Variants in FSIP1 observed in about 807,000 individuals in gnomAD.
FSIP1 encodes the protein fibrous sheath interacting protein 1, also known as fibrous sheath-interacting protein 1.
FSIP1 carries 65 observed loss-of-function variants against 60.9 expected under a neutral mutation model. The ratio of observed to expected loss-of-function variants is 1.07; its 90% CI spans 0.87 to 1.31. FSIP1 has a LOEUF of 1.31. Among genes scored for constraint, FSIP1 ranks in the 40% most tolerant of loss-of-function variants. FSIP1 has a pLI of 0.00. For synonymous variants in FSIP1, 209 were observed against 221.2 expected (o/e 0.94, Z 0.49); for missense variants, 675 against 665.5 (o/e 1.01, Z -0.16).
intron 10 of FSIP1, among the ~76,000 whole-genome samples, chr15:39,682,347 T>A (rs981398824): frequency 1.3e-5 from 2 of 152,100 alleles, no homozygotes; most frequent in African/African-American, 4.8e-5. Flanking sequence ...ACCTACATAT[T>A]TTACTTTGGA....
chr15:39,598,795 G>A (rs1180830555), downstream of FSIP1: 1 of 151,712 alleles, frequency 6.6e-6, no homozygotes, highest in Non-Finnish European at 1.5e-5. Flanking sequence ...TTATAAGAAT[G>A]TACATACAAT....
At chr15:39,706,963 A>G (rs1047097642) in intron 10 of FSIP1, among the ~76,000 whole-genome samples, 4 of 152,210 alleles carry the variant, frequency 2.6e-5, no homozygotes, top group Non-Finnish European at 5.9e-5. Context: ...TGTGTACAGT[A>G]AGTTATGAAA....
intron 10 of FSIP1, among the ~76,000 whole-genome samples, chr15:39,690,096 G>C (rs1447827801): frequency 6.6e-6 from 1 of 152,172 alleles, no homozygotes; most frequent in Non-Finnish European, 1.5e-5. Context: ...AAGATTCAGT[G>C]GCATAAAGAA....
intron 5 of FSIP1, among the ~76,000 whole-genome samples, chr15:39,748,743 A>G (rs889596467): frequency 1.9e-4 from 29 of 152,192 alleles, no homozygotes; most frequent in Admixed American, 6.5e-4. Context: ...GTAGCCTGAC[A>G]TTATGCTTCA....
chr15:39,722,945 A>C (rs1234045922), intron 9 of FSIP1, among the ~76,000 whole-genome samples: 1 of 151,978 alleles, frequency 6.6e-6, no homozygotes, highest in African/African-American at 2.4e-5. Flanking sequence ...GAAAAAAAAA[A>C]AAGCTTTCTA....
In FSIP1 at chr15:39,618,219, T is replaced by G. The variant is rs933155835; in HGVS notation, c.1215A>C (p.Glu405Asp). The change falls in exon 11 of 12, where the codon GAA becomes GAC. Residue 405 changes from glutamate to aspartate, a missense_variant. By Grantham distance (45) the Glu-to-Asp change is conservative. Transcript: ENST00000350221. ...NVLESTSCLS[E>D]EQLKCLLDEC... is the part of the protein sequence containing the mutation. ...CATCCAGAAGACACTTTAACTGTTC[T>G]TCAGAGAGACATGATGTGGACTCTA... 2.5e-5 allele frequency: 41 copies of G among 1,608,966 alleles called. No individual in the cohort carries two copies. The highest frequency in any genetic ancestry group is 3.5e-5 in the Non-Finnish European group (41 of 1,175,928).
intron 3 of FSIP1, among the ~76,000 whole-genome samples, chr15:39,766,395 A>C (rs1213932700): frequency 6.6e-6 from 1 of 152,230 alleles, no homozygotes; most frequent in African/African-American, 2.4e-5. Flanking sequence ...ATAATAACTA[A>C]CATTTATAGA....
At chr15:39,774,165 T>C (rs1897978318) in intron 2 of FSIP1, among the ~76,000 whole-genome samples, 1 of 152,218 alleles carries the variant, frequency 6.6e-6, no homozygotes, top group Non-Finnish European at 1.5e-5. Context: ...CAACCGGATT[T>C]TTCAGAACTT....
intron 10 of FSIP1, among the ~76,000 whole-genome samples, chr15:39,643,425 A>G (rs945304494): frequency 1.3e-5 from 2 of 152,238 alleles, no homozygotes; most frequent in Admixed American, 1.3e-4. Context: ...CCTATTCCAA[A>G]TGATGTTCTT....
In FSIP1 at chr15:39,739,580, A is replaced by C. The variant is rs1448765619; in HGVS notation, c.780+85T>G. On this transcript the variant is annotated intron_variant, in intron 7 of 11. Transcript: ENST00000350221. ...TATACATTTATGATGGTTGAAAAAT[A>C]TTTAAAGACACTGAACAAAACTATT... The C allele has an allele frequency of 8.8e-6, 11 of 1,245,458 alleles. No homozygotes were observed. In the Admixed American group the frequency reaches 2.7e-4, roughly 31 times the overall value. The allele number at this position is 1,245,458 out of a possible 1,614,324, so 77.2% of individuals were successfully genotyped here. A position where few individuals can be genotyped will look rare whatever the true frequency, so the allele number is the denominator to read the frequency against.
intron 10 of FSIP1, among the ~76,000 whole-genome samples, chr15:39,670,764 T>TTC: frequency 1.3e-5 from 2 of 152,364 alleles, no homozygotes; most frequent in East Asian, 3.9e-4. Context: ...TCACTTAACA[T>TTC]TCATTGTAAA....
chr15:39,776,060 A>G (rs1465719312), intron 2 of FSIP1, among the ~76,000 whole-genome samples: 2 of 148,756 alleles, frequency 1.3e-5, no homozygotes, highest in Admixed American at 6.7e-5. Context: ...TCGATACACA[A>G]GTTTTAACAA....
chr15:39,693,585 T>C (rs1431302192), intron 10 of FSIP1, among the ~76,000 whole-genome samples: 2 of 152,260 alleles, frequency 1.3e-5, no homozygotes, highest in Admixed American at 6.5e-5. Context: ...AGGTGGACTA[T>C]ATTACTACCT....
At chr15:39,606,792 A>C (rs1890842697) in intron 11 of FSIP1, among the ~76,000 whole-genome samples, 1 of 152,126 alleles carries the variant, frequency 6.6e-6, no homozygotes, top group Non-Finnish European at 1.5e-5. Flanking sequence ...TACCATGTTC[A>C]TCTTTATTTT....
At chr15:39,598,930 T>A (rs1363554937), downstream of FSIP1, 1 of 152,162 alleles carries the variant, frequency 6.6e-6, no homozygotes, top group East Asian at 1.9e-4. Flanking sequence ...TTCTTTTTCT[T>A]TTTATTTTTG....
intron 8 of FSIP1, among the ~76,000 whole-genome samples, chr15:39,735,506 A>G (rs1250495313): frequency 1.3e-5 from 2 of 152,234 alleles, no homozygotes; most frequent in Non-Finnish European, 2.9e-5. Flanking sequence ...TGGAGCTTGC[A>G]GGAGTGGAAG....
chr15:39,774,159 C>T (rs1453460114), intron 2 of FSIP1, among the ~76,000 whole-genome samples: 3 of 152,118 alleles, frequency 2.0e-5, no homozygotes, highest in Admixed American at 1.3e-4. Flanking sequence ...AAACCCCAAC[C>T]GGATTTTTCA....
intron 1 of FSIP1, among the ~76,000 whole-genome samples, chr15:39,780,482 A>G (rs988472219): frequency 5.9e-5 from 9 of 152,192 alleles, no homozygotes; most frequent in African/African-American, 9.7e-5. Flanking sequence ...CCGAGATTGC[A>G]CCACTCCGGC....
At chr15:39,770,310 T>A in intron 3 of FSIP1, 117 bp downstream of exon 3, 2 of 725,942 alleles carry the variant, frequency 2.8e-6, no homozygotes, top group South Asian at 7.3e-5. Flanking sequence ...TTTTTTGGTT[T>A]ATTATTTATA....
Sources: allele counts gnomAD v4.1 joint callset (sites outside exome capture counted in the v4.1 genomes callset), GRCh38; gene constraint gnomAD v4.1.1; transcripts MANE v1.5; gene names NCBI Gene and HGNC (gene_info 2026-07-23, HGNC 2026-07-21).